Variants in BRINP3 observed in about 807,000 individuals in gnomAD.
The protein encoded by BRINP3 is BMP/retinoic acid-inducible neural-specific protein 3.
Under a neutral mutation model 71.0 loss-of-function variants are expected in BRINP3, and 19 were observed. That is an observed-to-expected ratio of 0.27 (90% CI 0.19 to 0.39). The LOEUF (loss-of-function observed/expected upper bound fraction) is 0.39. Among genes scored for constraint, BRINP3 ranks in the 10% least tolerant of loss-of-function variants. The pLI is 1.00. For missense variants in BRINP3, 959 were observed against 940.8 expected (o/e 1.02, Z -0.25); for synonymous variants, 380 against 337.7 (o/e 1.13, Z -1.37).
At chr1:190,404,639 T>C (rs1349178903) in intron 2 of BRINP3, among the ~76,000 whole-genome samples, 1 of 152,216 alleles carries the variant, frequency 6.6e-6, no homozygotes, top group Admixed American at 6.5e-5. Flanking sequence ...GGCTCTTTCA[T>C]ACGCATTATG....
chr1:190,295,486 G>C (rs1174988655), intron 2 of BRINP3, among the ~76,000 whole-genome samples: 1 of 152,078 alleles, frequency 6.6e-6, no homozygotes, highest in Non-Finnish European at 1.5e-5. Flanking sequence ...TCCCAGACCA[G>C]TGCAGTACTG....
intron 6 of BRINP3, among the ~76,000 whole-genome samples, chr1:190,162,122 C>T (rs1164033553): frequency 6.6e-6 from 1 of 151,526 alleles, no homozygotes; most frequent in South Asian, 2.1e-4. Flanking sequence ...AAAGAGAAAA[C>T]ATTTTATAGG....
chr1:190,238,751 A>G (rs1204990863), intron 4 of BRINP3, among the ~76,000 whole-genome samples: 1 of 152,136 alleles, frequency 6.6e-6, no homozygotes, highest in Admixed American at 6.6e-5. Flanking sequence ...AGACACAGGC[A>G]CATTATATGA....
chr1:190,375,277 G>A (rs1222616398), intron 2 of BRINP3, among the ~76,000 whole-genome samples: 3 of 151,722 alleles, frequency 2.0e-5, no homozygotes, highest in Admixed American at 6.6e-5. Context: ...ATATGTAAAT[G>A]TGTATATGTA....
chr1:190,463,209 T>C (rs1367282069), intron 1 of BRINP3, among the ~76,000 whole-genome samples: 1 of 151,762 alleles, frequency 6.6e-6, no homozygotes, highest in East Asian at 1.9e-4. Context: ...AATAAGACAA[T>C]TCAACACTTA....
intron 6 of BRINP3, among the ~76,000 whole-genome samples, chr1:190,197,458 G>T (rs1654588971): frequency 6.6e-6 from 1 of 152,172 alleles, no homozygotes; most frequent in African/African-American, 2.4e-5. Context: ...CTATGAGGCT[G>T]TAAAATCAAA....
intron 6 of BRINP3, among the ~76,000 whole-genome samples, chr1:190,203,065 T>C (rs936483383): frequency 6.6e-6 from 1 of 152,112 alleles, no homozygotes; most frequent in Non-Finnish European, 1.5e-5. Context: ...ATGGAAAATG[T>C]ATTACCATTT....
chr1:190,438,250 T>G (rs1674593819), intron 2 of BRINP3, among the ~76,000 whole-genome samples: 1 of 151,420 alleles, frequency 6.6e-6, no homozygotes, highest in Admixed American at 6.6e-5. Context: ...ATTATAAAAA[T>G]ACCTAAAATA....
intron 2 of BRINP3, among the ~76,000 whole-genome samples, chr1:190,355,869 T>C (rs1571844187): frequency 6.6e-6 from 1 of 151,892 alleles, no homozygotes; most frequent in African/African-American, 2.4e-5. Context: ...AGATAGAATG[T>C]CCTTTCTTTA....
At chr1:190,400,909 A>G (rs972152990) in intron 2 of BRINP3, among the ~76,000 whole-genome samples, 6 of 152,190 alleles carry the variant, frequency 3.9e-5, no homozygotes, top group Admixed American at 1.3e-4. Flanking sequence ...TGTAATACCT[A>G]TTTTGGTCTA....
intron 2 of BRINP3, among the ~76,000 whole-genome samples, chr1:190,412,456 GTTTT>G (rs1159554984): frequency 1.2e-4 from 14 of 119,372 alleles, no homozygotes; most frequent in African/African-American, 4.6e-4. Flanking sequence ...GTTTTGTTTT[GTTTT>G]TTTTTGTTTT....
chr1:190,301,609 G>A (rs1664745032), intron 2 of BRINP3, among the ~76,000 whole-genome samples: 1 of 151,202 alleles, frequency 6.6e-6, no homozygotes. Flanking sequence ...ATACAATATT[G>A]AAAAGTTTTC....
At position 190,192,515 on chromosome 1, in the gene BRINP3, TTA is replaced by T. The variant is rs936969629; in HGVS notation, c.962-31627_962-31626del. ...ATGTGCCAACATGTCCTGTTTGATA[TTA>T]GTTTAGTTTTTTTTTTCAAGGAAGC... is the stretch of plus-strand genomic sequence containing the variant. On this transcript the variant is annotated intron_variant, in intron 6 of 7. Transcript: ENST00000367462. Among the ~76,000 whole-genome samples, 8 of 149,074 alleles carry T rather than the reference TTA, an allele frequency of 5.4e-5. No homozygotes were observed. In the Admixed American group the frequency reaches 5.4e-4, roughly 10 times the overall value.
At chr1:190,286,216 C>G (rs1663415662) in intron 2 of BRINP3, among the ~76,000 whole-genome samples, 1 of 152,112 alleles carries the variant, frequency 6.6e-6, no homozygotes, top group Non-Finnish European at 1.5e-5. Flanking sequence ...CAATCATCTA[C>G]TATGTATGTC....
chr1:190,135,273 A>G (rs529830391), intron 7 of BRINP3, among the ~76,000 whole-genome samples: 1 of 152,104 alleles, frequency 6.6e-6, no homozygotes, highest in Non-Finnish European at 1.5e-5. Flanking sequence ...TTTTAATGGT[A>G]TACACATTGT....
At chr1:190,190,813 T>C (rs1018982437) in intron 6 of BRINP3, among the ~76,000 whole-genome samples, 8 of 152,130 alleles carry the variant, frequency 5.3e-5, no homozygotes, top group Admixed American at 1.3e-4. Context: ...ATTTATAAAA[T>C]TACTTGGTCA....
At chr1:190,164,126 G>A (rs894800296) in intron 6 of BRINP3, among the ~76,000 whole-genome samples, 1 of 152,056 alleles carries the variant, frequency 6.6e-6, no homozygotes, top group Admixed American at 6.6e-5. Flanking sequence ...ACATACCCCC[G>A]ATTGGAATTT....
chr1:190,477,760 G>A lies in BRINP3; in HGVS notation c.-363C>T, dbSNP rs144201653. ...TGCACATCCCCATACAGTGGGGAAA[G>A]GCAGAAGCTGTGTAACCCCAGAGAA... On this transcript the variant is annotated 5_prime_UTR_variant, in exon 1 of 8. Coordinates refer to ENST00000367462, the MANE Select transcript of BRINP3 (RefSeq NM_199051.3). 1.3e-5 allele frequency: 2 copies of A among 152,314 alleles called. No individual in the cohort carries two copies. The highest frequency in any genetic ancestry group is 6.5e-5 in the Admixed American group (1 of 15,298). The allele number at this position is 152,314 out of a possible 1,614,324, so 9.4% of individuals were successfully genotyped here.
At chr1:190,309,347 G>T (rs188534736) in intron 2 of BRINP3, among the ~76,000 whole-genome samples, 1 of 151,862 alleles carries the variant, frequency 6.6e-6, no homozygotes, top group Non-Finnish European at 1.5e-5. Context: ...ACATTTGAAG[G>T]TGAACAGATT....
Sources: allele counts gnomAD v4.1 joint callset (sites outside exome capture counted in the v4.1 genomes callset), GRCh38; gene constraint gnomAD v4.1.1; transcripts MANE v1.5; gene names NCBI Gene and HGNC (gene_info 2026-07-23, HGNC 2026-07-21).